Variants in CDC40 observed in about 807,000 individuals in gnomAD.
CDC40 encodes pre-mRNA-processing factor 17.
In CDC40, 27 loss-of-function variants were observed where a neutral mutation model predicts 80.6. The ratio of observed to expected loss-of-function variants is 0.33; its 90% CI spans 0.25 to 0.46. The LOEUF (loss-of-function observed/expected upper bound fraction) is 0.46, where lower values mean the gene tolerates loss of function less well. Ranked by LOEUF, CDC40 falls within the 20% of genes least tolerant of loss-of-function variation. CDC40 has a pLI of 1.00. For synonymous variants in CDC40, 221 were observed against 232.6 expected (o/e 0.95, Z 0.45); for missense variants, 486 against 694.1 (o/e 0.70, Z 3.37).
chr6:110,207,712 A>T, intron 4 of CDC40, 123 bp downstream of exon 4: 1 of 614,866 alleles, frequency 1.6e-6, no homozygotes, highest in Non-Finnish European at 2.9e-6. Flanking sequence ...AAGTTGAAAC[A>T]ATGGAGCGAT....
chr6:110,219,908 CA>C, intron 12 of CDC40, 39 bp downstream of exon 12: 1 of 1,589,888 alleles, frequency 6.3e-7, no homozygotes, highest in Non-Finnish European at 8.6e-7. Context: ...TTACATAAAG[CA>C]AGCAGTTAAA....
intron 1 of CDC40, among the ~76,000 whole-genome samples, chr6:110,183,986 T>C (rs946246227): frequency 3.3e-5 from 5 of 152,210 alleles, no homozygotes; most frequent in Admixed American, 2.6e-4. Flanking sequence ...TTCCCTGTTG[T>C]TTACAAACAA....
intron 12 of CDC40, among the ~76,000 whole-genome samples, chr6:110,220,415 C>G (rs1395140366): frequency 1.3e-5 from 2 of 151,466 alleles, no homozygotes; most frequent in Non-Finnish European, 2.9e-5. Flanking sequence ...TAGGGAGGCC[C>G]CACAATCATT....
At chr6:110,180,750 C>A (rs1312837710) in intron 1 of CDC40, 117 bp downstream of exon 1, 6 of 723,852 alleles carry the variant, frequency 8.3e-6, no homozygotes, top group Non-Finnish European at 1.4e-5. Context: ...AAGTTGCTAA[C>A]GTTTGAATTT....
intron 4 of CDC40, among the ~76,000 whole-genome samples, chr6:110,207,816 C>T (rs575835838): frequency 5.3e-5 from 8 of 152,248 alleles, no homozygotes; most frequent in African/African-American, 1.9e-4. Context: ...AATAATGATA[C>T]ATATCTCTTT....
chr6:110,209,238 T>C lies in CDC40; in HGVS notation c.630+15T>C, dbSNP rs1777601733. ...AACCTTCAGAAGTAAGCTTTGATGT[T>C]TTTAATTGTCAATTCAGGTATACGC... On this transcript the variant is annotated intron_variant, in intron 5 of 14. Transcript: ENST00000307731. 6.2e-7 allele frequency: 1 copy of C among 1,609,562 alleles called. No homozygotes were observed. The highest frequency in any genetic ancestry group is 1.3e-5 in the African/African-American group (1 of 74,952).
At chr6:110,201,418 A>G in intron 2 of CDC40, 140 bp from the exon 3 acceptor site, 2 of 534,180 alleles carry the variant, frequency 3.7e-6, no homozygotes, top group Non-Finnish European at 6.4e-6. Context: ...GCTGCACTGA[A>G]CCGTATCAGG....
chr6:110,194,169 CTAGATATT>C lies in CDC40; in HGVS notation c.276+903_276+910del, dbSNP rs551119184. On this transcript the variant is annotated intron_variant, in intron 2 of 14. Transcript: ENST00000307731. ...GAAGTTTACAGAAAAGATTAAATTT[CTAGATATT>C]TTGCCTTTTAAAATGGAAAAGAATG... Among the ~76,000 whole-genome samples the C allele has an allele frequency of 5.9e-3, 891 of 152,152 alleles. 8 individuals are homozygous for C. Among genetic ancestry groups the C allele is most frequent in the Non-Finnish European group, 9.7e-3 (657 of 67,994 alleles).
intron 1 of CDC40, among the ~76,000 whole-genome samples, chr6:110,185,811 A>G (rs889485662): frequency 6.6e-6 from 1 of 152,214 alleles, no homozygotes; most frequent in Non-Finnish European, 1.5e-5. Flanking sequence ...CAATTTTTTT[A>G]AAAGTATAGT....
chr6:110,214,542 A>G (rs1377744889), intron 8 of CDC40, among the ~76,000 whole-genome samples: 1 of 152,324 alleles, frequency 6.6e-6, no homozygotes, highest in South Asian at 2.1e-4. Context: ...TTGCTGGAGC[A>G]TAACATCTAA....
intron 10 of CDC40, 67 bp downstream of exon 10, chr6:110,217,870 A>G: frequency 1.2e-6 from 1 of 825,064 alleles, no homozygotes; most frequent in African/African-American, 1.7e-5. Flanking sequence ...TGGTGTGAGT[A>G]GTCTTTTGTG....
rs762354561 is a variant in CDC40, at chr6:110,230,092, A to T, written c.1701A>T (p.Ile567=). 10 of 1,612,616 alleles carry T rather than the reference A, an allele frequency of 6.2e-6. No homozygotes were observed. The South Asian group carries it at 1.1e-4, about 18-fold the overall frequency. The change falls in exon 15 of 15, where the codon ATA becomes ATT. Residue 567 remains isoleucine, a synonymous_variant. Coordinates refer to ENST00000307731, the MANE Select transcript of CDC40 (RefSeq NM_015891.3). ...ATCCTCATGAAACTTCTAAGGTCAT[A>T]ACATGTGGTTGGGATGGTCTCATTA... ...VWHPHETSKV[I]TCGWDGLIKL...
At chr6:110,221,483 G>A (rs1198048522) in intron 12 of CDC40, among the ~76,000 whole-genome samples, 1 of 152,206 alleles carries the variant, frequency 6.6e-6, no homozygotes, top group African/African-American at 2.4e-5. Flanking sequence ...TTAGTAGAGA[G>A]TAGTCTTAAT....
rs1777899188 is a variant in CDC40 at position 110,228,902 on chromosome 6, A to G, written c.1488A>G (p.Leu496=). ...LIFGAQNRFR[L]NKKKIFKGHM... ...TTGGAGCACAGAACAGATTTAGATT[A>G]AATAAGAAAAAAATTTTTAAGGGCC... The change falls in exon 14 of 15, where the codon TTA becomes TTG. Residue 496 remains leucine, a synonymous_variant. Coordinates refer to ENST00000307731, the MANE Select transcript of CDC40 (RefSeq NM_015891.3). 6.2e-7 allele frequency: 1 copy of G among 1,606,906 alleles called. No individual in the cohort carries two copies. The highest frequency in any genetic ancestry group is 1.3e-5 in the African/African-American group (1 of 74,538).
chr6:110,217,554 A>G lies in CDC40; in HGVS notation c.989-148A>G, dbSNP rs971442191. 1.8e-4 allele frequency: 108 copies of G among 590,248 alleles called. 1 individual carries two copies. In the South Asian group the frequency reaches 1.9e-3, roughly 10 times the overall value. The allele number at this position is 590,248 out of a possible 1,614,324, so 36.6% of individuals were successfully genotyped here. On this transcript the variant is annotated intron_variant, in intron 9 of 14. Transcript: ENST00000307731. The stretch of plus-strand genomic sequence containing the variant: ...GCCCACACATAACATATTCTAAGTC[A>G]GTAAATCAGGCGGTGGCATTCCAGT...
At chr6:110,225,059 A>AT (rs1373214916) in intron 12 of CDC40, among the ~76,000 whole-genome samples, 1 of 152,228 alleles carries the variant, frequency 6.6e-6, no homozygotes, top group East Asian at 1.9e-4. Context: ...AAATGATGTT[A>AT]TTCCCCAGGT....
At chr6:110,220,443 C>CTTTT (rs57659156) in intron 12 of CDC40, among the ~76,000 whole-genome samples, 50 of 60,774 alleles carry the variant, frequency 8.2e-4, no homozygotes, top group African/African-American at 3.0e-3. Flanking sequence ...GAGAAAGGCA[C>CTTTT]TTTTTTTTTT....
chr6:110,210,444 G>A (rs1349515036), intron 5 of CDC40, among the ~76,000 whole-genome samples: 1 of 151,226 alleles, frequency 6.6e-6, no homozygotes, highest in African/African-American at 2.4e-5. Flanking sequence ...CCAGCTACTC[G>A]GGAGGCTGAG....
At chr6:110,212,772 A>G (rs78041847) in intron 7 of CDC40, among the ~76,000 whole-genome samples, 226 of 152,324 alleles carry the variant, frequency 1.5e-3, no homozygotes, top group African/African-American at 5.3e-3. Flanking sequence ...TCCAACTTAT[A>G]ATTTCCAACT....
Sources: gnomAD v4.1 joint callset for allele counts (sites outside exome capture counted in the v4.1 genomes callset) on GRCh38, gnomAD v4.1.1 for gene constraint, MANE v1.5 for transcripts, NCBI Gene and HGNC (gene_info 2026-07-23, HGNC 2026-07-21) for gene names.